Variants in JADE2 observed in about 807,000 individuals in gnomAD.
JADE2 encodes the protein E3 ubiquitin-protein ligase Jade-2.
JADE2 carries 13 observed loss-of-function variants against 85.7 expected under a neutral mutation model. That is an observed-to-expected ratio of 0.15 (90% confidence interval 0.10 to 0.24). The LOEUF is 0.24. Among genes scored for constraint, JADE2 ranks in the 10% least tolerant of loss-of-function variants. JADE2 has a pLI of 1.00. For missense variants in JADE2, 846 were observed against 1,115.9 expected (o/e 0.76, Z 3.45); for synonymous variants, 440 against 456.1 (o/e 0.96, Z 0.45).
Position 134,558,610 on chromosome 5 carries a change from C to T in JADE2, c.312-1220C>T, listed in dbSNP as rs12516451. On this transcript the variant is annotated intron_variant, in intron 4 of 11. Coordinates refer to ENST00000681547, the MANE Select transcript of JADE2 (RefSeq NM_001388185.1). The stretch of plus-strand genomic sequence containing the variant: ...CTGGAGTGCAGTGGCACGATCTCTG[C>T]TCACCACAGCCTCCGCCTCCCGGGT... Among the ~76,000 whole-genome samples, 46 of 152,304 alleles carry T rather than the reference C, an allele frequency of 3.0e-4. No homozygotes were observed. The South Asian group carries it at 9.3e-3, about 31-fold the overall frequency.
chr5:134,524,651 C>G (rs1001911674), upstream of JADE2, among the ~76,000 whole-genome samples: 10 of 152,164 alleles, frequency 6.6e-5, no homozygotes, highest in Non-Finnish European at 1.3e-4. Context: ...CTCATCACTG[C>G]CTTCTCCACC....
In JADE2 at chr5:134,579,590, C is replaced by A; in HGVS notation, c.*273C>A. On this transcript the variant is annotated 3_prime_UTR_variant, in exon 12 of 12. Coordinates refer to ENST00000681547, the MANE Select transcript of JADE2 (RefSeq NM_001388185.1). This position sits in a 1 kb window ranked among gnomAD's most constrained non-coding sequence, Gnocchi z 4.6. ...TCCCTGCCCTGCCCACGTGGTATTG[C>A]TGGGCTCCTGGCTAGATGCAAGCAA... The A allele has an allele frequency of 2.4e-6, 1 of 421,234 alleles. No individual in the cohort carries two copies. The highest frequency in any genetic ancestry group is 4.3e-6 in the Non-Finnish European group (1 of 234,066). The allele number at this position is 421,234 out of a possible 1,614,324, so 26.1% of individuals were successfully genotyped here.
intron 2 of JADE2, among the ~76,000 whole-genome samples, chr5:134,536,190 C>T (rs941675204): frequency 6.6e-6 from 1 of 152,138 alleles, no homozygotes; most frequent in African/African-American, 2.4e-5. Flanking sequence ...TGGAACAGAT[C>T]GGCTCCACTC....
At chr5:134,540,464 G>A (rs1304006623) in intron 3 of JADE2, among the ~76,000 whole-genome samples, 3 of 150,762 alleles carry the variant, frequency 2.0e-5, no homozygotes, top group Non-Finnish European at 4.4e-5. Flanking sequence ...AAACTCCTGA[G>A]CTCAGGCGAT....
At chr5:134,571,476 A>ATCAGGAGG (rs1243200045) in intron 9 of JADE2, among the ~76,000 whole-genome samples, 4 of 152,298 alleles carry the variant, frequency 2.6e-5, no homozygotes, top group Non-Finnish European at 4.4e-5. Flanking sequence ...AGGTGGGCGG[A>ATCAGGAGG]TCAGGAGGTC....
intron 3 of JADE2, among the ~76,000 whole-genome samples, chr5:134,550,384 T>A (rs1762525392): frequency 6.6e-6 from 1 of 152,156 alleles, no homozygotes; most frequent in African/African-American, 2.4e-5. Context: ...TAGATTCAAA[T>A]GAGGTGCACA....
intron 9 of JADE2, among the ~76,000 whole-genome samples, chr5:134,573,370 C>T (rs2241700): frequency 0.13 from 20,414 of 152,142 alleles, 1,774 homozygotes; most frequent in South Asian, 0.41. Flanking sequence ...GCCGGGTTGA[C>T]CTAACCAGAT....
chr5:134,557,445 A>G (rs940231193), intron 4 of JADE2, among the ~76,000 whole-genome samples: 4 of 133,100 alleles, frequency 3.0e-5, no homozygotes, highest in African/African-American at 1.1e-4. Flanking sequence ...TTTGTTACAT[A>G]TGTATACATG....
At chr5:134,561,756 A>G (rs112397642) in intron 6 of JADE2, among the ~76,000 whole-genome samples, 1 of 152,172 alleles carries the variant, frequency 6.6e-6, no homozygotes, top group Non-Finnish European at 1.5e-5. Flanking sequence ...TCTTAGGTTC[A>G]TGTGTCTCAC....
chr5:134,574,089 C>T, intron 10 of JADE2: 2 of 375,654 alleles, frequency 5.3e-6, no homozygotes, highest in Non-Finnish European at 1.0e-5. Flanking sequence ...CCTAGTGGCT[C>T]TCTGCTGGTG....
chr5:134,531,085 T>C (rs373899873), intron 1 of JADE2, among the ~76,000 whole-genome samples: 6 of 152,314 alleles, frequency 3.9e-5, no homozygotes, highest in South Asian at 2.1e-4. Flanking sequence ...TTTCTTCAGA[T>C]AGTGTGATGA....
intron 10 of JADE2, 154 bp downstream of exon 10, chr5:134,573,916 T>C (rs748828580): frequency 1.4e-6 from 1 of 724,890 alleles, no homozygotes; most frequent in Non-Finnish European, 2.5e-6. Context: ...ATCCAATTAG[T>C]AGGCCCAGAC....
chr5:134,539,043 T>TTTTTTTTATTTATTTA (rs552925543), intron 3 of JADE2, among the ~76,000 whole-genome samples: 54 of 134,416 alleles, frequency 4.0e-4, no homozygotes, highest in Middle Eastern at 7.2e-3. Flanking sequence ...TTTATTTTTA[T>TTTTTTTTATTTATTTA]TTTATTTATT....
chr5:134,536,259 A>G (rs574790162), intron 2 of JADE2, among the ~76,000 whole-genome samples: 4 of 152,298 alleles, frequency 2.6e-5, no homozygotes, highest in Non-Finnish European at 5.9e-5. Context: ...CAACAGATAC[A>G]AAACCAGTCA....
intron 1 of JADE2, among the ~76,000 whole-genome samples, chr5:134,532,303 C>G (rs2079520382): frequency 6.6e-6 from 1 of 152,014 alleles, no homozygotes; most frequent in Admixed American, 6.6e-5. Flanking sequence ...TTGGCTTGGA[C>G]CAGTGTGGTG....
chr5:134,542,117 T>C (rs1489785594), intron 3 of JADE2, among the ~76,000 whole-genome samples: 1 of 152,218 alleles, frequency 6.6e-6, no homozygotes, highest in East Asian at 1.9e-4. Context: ...CTTAAGGCAG[T>C]AGAAGGAAAA....
chr5:134,557,028 TACAC>T (rs1561746718), intron 4 of JADE2, among the ~76,000 whole-genome samples: 1 of 82,130 alleles, frequency 1.2e-5, no homozygotes, highest in African/African-American at 4.5e-5. Flanking sequence ...ACACAGCACA[TACAC>T]ACACACCACA....
At chr5:134,539,043 T>TTTTATTTTATTTATTTATTTA (rs1554124817) in intron 3 of JADE2, among the ~76,000 whole-genome samples, 3 of 134,378 alleles carry the variant, frequency 2.2e-5, no homozygotes, top group African/African-American at 8.4e-5. Context: ...TTTATTTTTA[T>TTTTATTTTATTTATTTATTTA]TTTATTTATT....
intron 3 of JADE2, among the ~76,000 whole-genome samples, chr5:134,551,429 A>G (rs1762585148): frequency 6.6e-6 from 1 of 151,458 alleles, no homozygotes; most frequent in African/African-American, 2.4e-5. Flanking sequence ...AGGTTTCACC[A>G]TGTTGCCCAG....
Sources: allele counts gnomAD v4.1 joint callset (sites outside exome capture counted in the v4.1 genomes callset), GRCh38; gene constraint gnomAD v4.1.1; non-coding constraint Gnocchi (gnomAD v3.1); transcripts MANE v1.5; gene names NCBI Gene and HGNC (gene_info 2026-07-23, HGNC 2026-07-21).